The following ARHGAP25 variants were observed in gnomAD, a reference collection of about 807,000 sequenced individuals.
ARHGAP25 encodes the protein Rho GTPase activating protein 25.
In ARHGAP25, 34 loss-of-function variants were observed where a neutral mutation model predicts 71.0. The ratio of observed to expected loss-of-function variants is 0.48; its 90% CI spans 0.36 to 0.64. The LOEUF is 0.64. Among genes scored for constraint, ARHGAP25 ranks in the 30% least tolerant of loss-of-function variants. ARHGAP25 has a pLI of 0.00. For missense variants in ARHGAP25, 706 were observed against 805.1 expected, an observed-to-expected ratio of 0.88 and a Z score of 1.49; for synonymous variants, 282 against 296.5, an observed-to-expected ratio of 0.95 and a Z score of 0.50.
chr2:68,728,040 C>T (rs1473736607), intron 2 of ARHGAP25, among the ~76,000 whole-genome samples: 4 of 152,124 alleles, frequency 2.6e-5, no homozygotes, highest in Admixed American at 1.3e-4. Flanking sequence ...CAATGTACAT[C>T]AGAAAGATTA....
At chr2:68,794,305 A>T (rs1434921144) in intron 4 of ARHGAP25, among the ~76,000 whole-genome samples, 1 of 151,968 alleles carries the variant, frequency 6.6e-6, no homozygotes, top group African/African-American at 2.4e-5. Context: ...CCAGTACTCT[A>T]TTGAGTAGGA....
intron 4 of ARHGAP25, among the ~76,000 whole-genome samples, chr2:68,805,442 C>A (rs1035962295): frequency 3.3e-5 from 5 of 152,142 alleles, no homozygotes; most frequent in Non-Finnish European, 5.9e-5. Flanking sequence ...TCCACACTCT[C>A]ACCTCCCAAC....
At chr2:68,805,460 G>A (rs1680295148) in intron 4 of ARHGAP25, among the ~76,000 whole-genome samples, 1 of 152,116 alleles carries the variant, frequency 6.6e-6, no homozygotes, top group Non-Finnish European at 1.5e-5. Flanking sequence ...AACACCTGAT[G>A]TGATGAAAGA....
Position 68,775,380 on chromosome 2 carries a change from A to G in ARHGAP25, c.221A>G (p.Gln74Arg). The G allele has an allele frequency of 6.2e-7, 1 of 1,614,236 alleles. No homozygotes were observed. Residue 74 changes from glutamine (Q) to arginine (R), a missense_variant, in exon 2 of 11, where the codon CAG becomes CGG. Physicochemically the swap from Gln to Arg is conservative, Grantham distance 43. Transcript: ENST00000409202. ...QQRYFVLRAQ[Q>R]LYYYKDEEDT... ...AGGTACTTTGTGCTGAGGGCGCAGCAGCTCTACTACTACAAGGATGAAGAG... is the reference window on the plus strand; with the variant it reads ...AGGTACTTTGTGCTGAGGGCGCAGCGGCTCTACTACTACAAGGATGAAGAG...
chr2:68,733,090 T>C (rs774438921), upstream of ARHGAP25, among the ~76,000 whole-genome samples: 5 of 152,200 alleles, frequency 3.3e-5, no homozygotes, highest in Non-Finnish European at 7.3e-5. Context: ...CTTGGTTTCC[T>C]TCAATATTTA....
chr2:68,794,878 A>G (rs1679427360), intron 4 of ARHGAP25, among the ~76,000 whole-genome samples: 1 of 152,142 alleles, frequency 6.6e-6, no homozygotes, highest in African/African-American at 2.4e-5. Flanking sequence ...GTTTGGTACA[A>G]TTCAACTGTA....
At chr2:68,722,690 T>A (rs1410772620) in intron 2 of ARHGAP25, among the ~76,000 whole-genome samples, 1 of 152,122 alleles carries the variant, frequency 6.6e-6, no homozygotes, top group Non-Finnish European at 1.5e-5. Flanking sequence ...ACCCAGGCAG[T>A]GAGCTGAAGA....
rs779980686 is a variant in ARHGAP25 at position 68,826,030 on chromosome 2, C to T, written c.1777C>T (p.Leu593Phe). Reference protein sequence around the residue: ...NYDVWAKVVRLNEELEKEKKK... With the variant: ...NYDVWAKVVRFNEELEKEKKK... The stretch of plus-strand genomic sequence containing the variant: ...TGACGTTTGGGCTAAAGTGGTGAGG[C>T]TCAATGAAGAACTGGAGAAGGAAAA... The change falls in exon 11 of 11, where the codon CTC becomes TTC. Residue 593 changes from leucine to phenylalanine, a missense_variant. Leu to Phe is a conservative substitution (Grantham distance 22). Coordinates refer to ENST00000409202, the MANE Select transcript of ARHGAP25 (RefSeq NM_001007231.3). 6.2e-7 allele frequency: 1 copy of T among 1,613,906 alleles called. No individual in the cohort carries two copies. The highest frequency in any genetic ancestry group is 8.5e-7 in the Non-Finnish European group (1 of 1,179,976).
chr2:68,825,982 T>A lies in ARHGAP25; in HGVS notation c.1734-5T>A. On this transcript the variant is annotated splice_polypyrimidine_tract_variant and splice_region_variant and intron_variant, in intron 10 of 10. Coordinates refer to ENST00000409202, the MANE Select transcript of ARHGAP25 (RefSeq NM_001007231.3). ...TCTTTCATTCTTTTCTTTCCTTCCT[T>A]GTAGCCTTGAGAAGGAAAATTATGA... is the stretch of plus-strand genomic sequence containing the variant. 6.2e-7 allele frequency: 1 copy of A among 1,607,570 alleles called. No individual in the cohort carries two copies. Among genetic ancestry groups the A allele is most frequent in the Non-Finnish European group, 8.5e-7 (1 of 1,175,948 alleles).
chr2:68,800,890 G>T (rs1679918332), intron 4 of ARHGAP25, among the ~76,000 whole-genome samples: 3 of 151,702 alleles, frequency 2.0e-5, no homozygotes, highest in Admixed American at 2.0e-4. Context: ...TTACATTATG[G>T]TAATTATATT....
intron 5 of ARHGAP25, among the ~76,000 whole-genome samples, chr2:68,810,530 T>C (rs770231296): frequency 1.3e-5 from 2 of 152,220 alleles, no homozygotes; most frequent in African/African-American, 4.8e-5. Flanking sequence ...TGTTGTAAGA[T>C]GATTTATATA....
intron 4 of ARHGAP25, among the ~76,000 whole-genome samples, chr2:68,793,833 A>G (rs1173813732): frequency 2.0e-5 from 3 of 152,060 alleles, no homozygotes; most frequent in Non-Finnish European, 4.4e-5. Flanking sequence ...ATTTTGATAG[A>G]AATTGCATTG....
At chr2:68,758,432 T>C (rs960973204) in intron 1 of ARHGAP25, among the ~76,000 whole-genome samples, 1 of 151,876 alleles carries the variant, frequency 6.6e-6, no homozygotes, top group African/African-American at 2.4e-5. Context: ...TTCATGTAAA[T>C]AGTAACCAAA....
At chr2:68,823,529 A>G (rs990805342) in intron 10 of ARHGAP25, among the ~76,000 whole-genome samples, 4 of 151,924 alleles carry the variant, frequency 2.6e-5, no homozygotes, top group East Asian at 1.9e-4. Context: ...GGAGATGACT[A>G]TGGCCAGTGC....
At chr2:68,750,791 G>A (rs997650311) in intron 1 of ARHGAP25, among the ~76,000 whole-genome samples, 2 of 152,222 alleles carry the variant, frequency 1.3e-5, no homozygotes, top group Non-Finnish European at 2.9e-5. Flanking sequence ...ACAGAAGAGG[G>A]TGGAGGCCGG....
At chr2:68,791,493 T>C (rs1679171248) in intron 4 of ARHGAP25, among the ~76,000 whole-genome samples, 1 of 152,000 alleles carries the variant, frequency 6.6e-6, no homozygotes, top group Non-Finnish European at 1.5e-5. Context: ...TTATAATATC[T>C]TCCTCCAAGT....
At chr2:68,787,741 T>G in intron 3 of ARHGAP25, 99 bp from the exon 4 acceptor site, 1 of 936,714 alleles carries the variant, frequency 1.1e-6, no homozygotes, top group Non-Finnish European at 1.7e-6. Flanking sequence ...AGTGCTTCAT[T>G]GAACCAAGAC....
chr2:68,784,150 TCTCTCTTTCG>T (rs1262276763), intron 3 of ARHGAP25, among the ~76,000 whole-genome samples: 2 of 152,028 alleles, frequency 1.3e-5, no homozygotes, highest in East Asian at 3.8e-4. Flanking sequence ...CCTTTTTCTC[TCTCTCTTTCG>T]CTCTCTCTCT....
intron 5 of ARHGAP25, 141 bp from the exon 6 acceptor site, chr2:68,813,146 C>G: frequency 1.1e-6 from 1 of 871,638 alleles, no homozygotes; most frequent in African/African-American, 1.7e-5. Context: ...TGGTCTGATT[C>G]TTCTTTATCA....
Sources: gnomAD v4.1 joint callset for allele counts (sites outside exome capture counted in the v4.1 genomes callset) on GRCh38, gnomAD v4.1.1 for gene constraint, MANE v1.5 for transcripts, NCBI Gene and HGNC (gene_info 2026-07-23, HGNC 2026-07-21) for gene names.